EIF2D: variants seen among roughly 807,000 people sequenced by gnomAD.
The protein encoded by EIF2D is hepatocellular carcinoma-associated antigen 56.
EIF2D carries 56 observed loss-of-function variants against 77.4 expected under a neutral mutation model. The ratio of observed to expected loss-of-function variants is 0.72; its 90% CI spans 0.58 to 0.90. EIF2D has a LOEUF of 0.90. EIF2D is among the 40% of genes least tolerant of loss of function. The probability of loss-of-function intolerance (pLI) is 0.00; values close to 1 mark genes in which losing one functional copy is unlikely to be tolerated. For synonymous variants in EIF2D, 230 were observed against 271.0 expected (o/e 0.85, Z 1.49); for missense variants, 574 against 706.5 (o/e 0.81, Z 2.13).
At chr1:206,600,444 C>A in intron 7 of EIF2D, 136 bp from the exon 8 acceptor site, 2 of 738,136 alleles carry the variant, frequency 2.7e-6, no homozygotes, top group Non-Finnish European at 4.6e-6. Context: ...GAACTCTCTG[C>A]CCAGGGATGA....
rs1669810370 is a variant in EIF2D, at chr1:206,599,404, G to C, written c.1202+59C>G. ...CGCAAAAGAGCACTACTCAGGTTGA[G>C]AGGAACTGTAGGCCAGAACACCAAG... On this transcript the variant is annotated intron_variant, in intron 10 of 14. Transcript: ENST00000271764. This position sits in a 1 kb window ranked among gnomAD's most constrained non-coding sequence, Gnocchi z 4.1. 2 of 1,595,680 alleles carry C rather than the reference G, an allele frequency of 1.3e-6. No individual in the cohort carries two copies. The highest frequency in any genetic ancestry group is 3.5e-5 in the Admixed American group (2 of 57,506).
intron 7 of EIF2D, chr1:206,600,929 T>A (rs1669895439): frequency 6.6e-6 from 1 of 152,366 alleles, no homozygotes. Flanking sequence ...ATTTACTATC[T>A]GGCCCTTTAC....
intron 2 of EIF2D, chr1:206,583,470 T>A: frequency 1.1e-6 from 1 of 872,108 alleles, no homozygotes; most frequent in Non-Finnish European, 1.9e-6. Flanking sequence ...CTGTGGCTAC[T>A]CCCTGGCAGG....
In EIF2D at chr1:206,603,046, T is replaced by G; in HGVS notation, c.689A>C (p.His230Pro). 1 of 1,614,176 alleles carries G rather than the reference T, an allele frequency of 6.2e-7. No individual in the cohort carries two copies. The highest frequency in any genetic ancestry group is 1.1e-5 in the South Asian group (1 of 91,086). The change falls in exon 6 of 15, where the codon CAC becomes CCC. Residue 230 changes from histidine to proline, a missense_variant. Transcript: ENST00000271764. ...LEGEEENGEV[H>P]QAREDKSLSE... ...GAGAGACTTGTCTTCACGTGCCTGG[T>G]GAACCTCCCCATTCTCCTCTTCCCC...
downstream of EIF2D, chr1:206,587,880 T>C (rs1458463896): frequency 6.5e-6 from 1 of 152,884 alleles, no homozygotes; most frequent in Admixed American, 6.5e-5. Flanking sequence ...CCAAGCTGTC[T>C]TCAGCCTTCC....
chr1:206,588,735 C>A (rs1183582602), downstream of EIF2D: 2 of 152,716 alleles, frequency 1.3e-5, no homozygotes, highest in Non-Finnish European at 2.9e-5. Context: ...TTTTAAACCA[C>A]AAAAACCCTG....
At chr1:206,582,366 C>A (rs1327405065) in intron 2 of EIF2D, among the ~76,000 whole-genome samples, 1 of 152,206 alleles carries the variant, frequency 6.6e-6, no homozygotes, top group South Asian at 2.1e-4. Flanking sequence ...AGGAGGAACA[C>A]AATGGGACAG....
intron 4 of EIF2D, among the ~76,000 whole-genome samples, chr1:206,577,831 G>C (rs4845110): frequency 0.86 from 131,161 of 152,276 alleles, 57,048 homozygotes; most frequent in East Asian, 1. Flanking sequence ...ATGCTCAGAG[G>C]CACCAGGCAC....
At chr1:206,593,100 G>A (rs946464316) in intron 14 of EIF2D, among the ~76,000 whole-genome samples, 1 of 126,696 alleles carries the variant, frequency 7.9e-6, no homozygotes, top group East Asian at 2.3e-4. Flanking sequence ...GACAGAGCGA[G>A]ATTCTGTTTC....
In EIF2D at chr1:206,592,236, G is replaced by A. The variant is rs1011861252; in HGVS notation, c.1685-391C>T. Among the ~76,000 whole-genome samples the A allele has an allele frequency of 6.6e-5, 10 of 152,186 alleles. No individual in the cohort carries two copies. Among genetic ancestry groups the A allele is most frequent in the Middle Eastern group, 3.2e-3 (1 of 316 alleles). ...TTGCCTAAATGAGCACTTACTATCCGCCAGGCCCTGAGGATGAAAAAGGCA... is the reference window on the plus strand; with the variant it reads ...TTGCCTAAATGAGCACTTACTATCCACCAGGCCCTGAGGATGAAAAAGGCA... On this transcript the variant is annotated intron_variant, in intron 14 of 14. Coordinates refer to ENST00000271764, the MANE Select transcript of EIF2D (RefSeq NM_006893.3). The surrounding 1 kb of genome is among the most constrained non-coding windows in gnomAD (Gnocchi z 4.7).
chr1:206,591,827 C>T lies in EIF2D; in HGVS notation c.1703G>A (p.Arg568Gln). 5.6e-6 allele frequency: 9 copies of T among 1,614,108 alleles called. No individual in the cohort carries two copies. The highest frequency in any genetic ancestry group is 1.3e-5 in the African/African-American group (1 of 75,010). Residue 568 changes from arginine (R) to glutamine (Q), a missense_variant, in exon 15 of 15, where the codon CGA (arginine) becomes CAA (glutamine). Physicochemically the swap from Arg to Gln is conservative, Grantham distance 43. Coordinates refer to ENST00000271764, the MANE Select transcript of EIF2D (RefSeq NM_006893.3). The stretch of plus-strand genomic sequence containing the variant: ...CTTTTCTAGACCTTGGATGTGTTTT[C>T]GAGGGAGCTGATACTCTTCTACAAT... ...WLLLEEYQLPRKHIQGLEKAL... is the reference protein window; with the variant it reads ...WLLLEEYQLPQKHIQGLEKAL...
chr1:206,572,350 C>A (rs1390806375), intron 5 of EIF2D, among the ~76,000 whole-genome samples: 1 of 152,172 alleles, frequency 6.6e-6, no homozygotes, highest in Non-Finnish European at 1.5e-5. Flanking sequence ...TCCTAGGCCA[C>A]AGCCTGGCCT....
chr1:206,598,497 C>G (rs915650911), intron 11 of EIF2D, among the ~76,000 whole-genome samples: 1 of 152,110 alleles, frequency 6.6e-6, no homozygotes, highest in South Asian at 2.1e-4. Flanking sequence ...TAGTTAACAA[C>G]AATGTATTGT....
At chr1:206,606,028 G>C (rs1294296031) in intron 4 of EIF2D, among the ~76,000 whole-genome samples, 1 of 152,174 alleles carries the variant, frequency 6.6e-6, no homozygotes, top group Non-Finnish European at 1.5e-5. Context: ...GTTGCTCAGT[G>C]TAACTATATA....
downstream of EIF2D, among the ~76,000 whole-genome samples, chr1:206,590,116 C>A (rs1192796650): frequency 2.0e-5 from 3 of 152,198 alleles, no homozygotes; most frequent in African/African-American, 7.2e-5. Context: ...GAACCTGTTA[C>A]ACAGTCTGGC....
At chr1:206,591,918 G>A (rs1029210710) in intron 14 of EIF2D, 73 bp from the exon 15 acceptor site, 40 of 1,450,082 alleles carry the variant, frequency 2.8e-5, no homozygotes, top group Middle Eastern at 1.8e-4. Flanking sequence ...ACCAGTCCCC[G>A]TTGCCTCACA....
intron 12 of EIF2D, 82 bp from the exon 13 acceptor site, chr1:206,595,920 G>A (rs569290740): frequency 6.4e-7 from 1 of 1,563,264 alleles, no homozygotes; most frequent in East Asian, 2.3e-5. Flanking sequence ...AGGCAGTTAG[G>A]TGTAGGCTGA....
At chr1:206,588,116 C>G (rs1320988501), downstream of EIF2D, 1 of 152,800 alleles carries the variant, frequency 6.5e-6, no homozygotes, top group Non-Finnish European at 1.5e-5. Flanking sequence ...CTGGCCTCCC[C>G]GTCGACCTCA....
intron 14 of EIF2D, among the ~76,000 whole-genome samples, chr1:206,593,344 G>A (rs1669444766): frequency 6.6e-6 from 1 of 152,068 alleles, no homozygotes; most frequent in South Asian, 2.1e-4. Flanking sequence ...TTTATAGAAA[G>A]GGACCAACCA....
Sources: gnomAD v4.1 joint callset for allele counts (sites outside exome capture counted in the v4.1 genomes callset) on GRCh38, gnomAD v4.1.1 for gene constraint, Gnocchi (gnomAD v3.1) non-coding constraint, MANE v1.5 for transcripts, NCBI Gene and HGNC (gene_info 2026-07-23, HGNC 2026-07-21) for gene names.